Variants in NLGN1 observed in about 807,000 individuals in gnomAD.
NLGN1 encodes neuroligin 1.
In NLGN1, 12 loss-of-function variants were observed where a neutral mutation model predicts 65.5. That is an observed-to-expected ratio of 0.18 (90% CI 0.12 to 0.30). The LOEUF (loss-of-function observed/expected upper bound fraction) is 0.30, where lower values mean the gene tolerates loss of function less well. NLGN1 is among the 10% of genes least tolerant of loss of function. The pLI is 1.00. For missense variants in NLGN1, 750 were observed against 1,007.1 expected (o/e 0.74, Z 3.46); for synonymous variants, 350 against 359.5 (o/e 0.97, Z 0.30).
At chr3:174,272,670 GATA>G (rs1158273790) in intron 4 of NLGN1, among the ~76,000 whole-genome samples, 3 of 100,498 alleles carry the variant, frequency 3.0e-5, no homozygotes, top group Non-Finnish European at 7.5e-5. Flanking sequence ...TGGATGGATA[GATA>G]GATAGATAGA....
chr3:174,035,275 G>A (rs1322987010), intron 4 of NLGN1, among the ~76,000 whole-genome samples: 1 of 152,098 alleles, frequency 6.6e-6, no homozygotes, highest in Non-Finnish European at 1.5e-5. Context: ...ACAAAAATCA[G>A]CATTTGAAAG....
At chr3:174,242,140 ATGTGTT>A (rs1742993621) in intron 4 of NLGN1, among the ~76,000 whole-genome samples, 1 of 152,124 alleles carries the variant, frequency 6.6e-6, no homozygotes, top group Non-Finnish European at 1.5e-5. Flanking sequence ...TGTGATTTTA[ATGTGTT>A]GATAATAATA....
intron 4 of NLGN1, among the ~76,000 whole-genome samples, chr3:173,887,858 A>G (rs1164790548): frequency 1.3e-5 from 2 of 150,964 alleles, no homozygotes; most frequent in Admixed American, 6.6e-5. Context: ...TTTGACTACA[A>G]CAAAAATAAC....
At chr3:173,907,970 T>C (rs2152210558) in intron 4 of NLGN1, among the ~76,000 whole-genome samples, 1 of 152,328 alleles carries the variant, frequency 6.6e-6, no homozygotes, top group East Asian at 1.9e-4. Flanking sequence ...TCCACATGCC[T>C]CGGCCTCCCA....
At chr3:173,538,374 C>A (rs1043498005) in intron 2 of NLGN1, among the ~76,000 whole-genome samples, 1 of 152,188 alleles carries the variant, frequency 6.6e-6, no homozygotes, top group Admixed American at 6.6e-5. Context: ...CACTGCTGCA[C>A]TTCTTTTGCT....
At chr3:174,134,010 G>A (rs1358288607) in intron 4 of NLGN1, among the ~76,000 whole-genome samples, 1 of 151,804 alleles carries the variant, frequency 6.6e-6, no homozygotes, top group East Asian at 1.9e-4. Flanking sequence ...TAAAGCCACT[G>A]CTAATAAGAT....
At chr3:174,200,138 A>G (rs2152773471) in intron 4 of NLGN1, among the ~76,000 whole-genome samples, 1 of 152,320 alleles carries the variant, frequency 6.6e-6, no homozygotes, top group Non-Finnish European at 1.5e-5. Flanking sequence ...CCGTTTACTC[A>G]TTTTATCACT....
At chr3:173,753,138 C>T (rs1776546975) in intron 3 of NLGN1, among the ~76,000 whole-genome samples, 1 of 152,076 alleles carries the variant, frequency 6.6e-6, no homozygotes, top group South Asian at 2.1e-4. Flanking sequence ...TTTTATTTGT[C>T]TTTAAAACTA....
intron 4 of NLGN1, among the ~76,000 whole-genome samples, chr3:174,092,899 A>G (rs1330153122): frequency 1.3e-5 from 2 of 152,142 alleles, no homozygotes; most frequent in Non-Finnish European, 2.9e-5. Flanking sequence ...CCAATGTTTC[A>G]TTCATCAAGT....
intron 3 of NLGN1, among the ~76,000 whole-genome samples, chr3:173,799,668 G>A (rs1714968948): frequency 6.6e-6 from 1 of 151,910 alleles, no homozygotes. Flanking sequence ...GGATGCAAAT[G>A]TCTTAAATCC....
chr3:173,539,652 CATATGTGT>C (rs1288029619), intron 2 of NLGN1, among the ~76,000 whole-genome samples: 8 of 103,590 alleles, frequency 7.7e-5, no homozygotes, highest in African/African-American at 2.4e-4. Flanking sequence ...ACATATATAA[CATATGTGT>C]ATATATGCAC....
chr3:173,988,449 AT>A (rs996207096), intron 4 of NLGN1, among the ~76,000 whole-genome samples: 1 of 152,064 alleles, frequency 6.6e-6, no homozygotes. Flanking sequence ...TAATAATCTG[AT>A]TTTTTTAAGG....
intron 4 of NLGN1, among the ~76,000 whole-genome samples, chr3:174,120,440 G>A (rs981153083): frequency 2.6e-5 from 4 of 152,126 alleles, no homozygotes; most frequent in Non-Finnish European, 5.9e-5. Flanking sequence ...CCAGGAGGCA[G>A]AGGTTGCAGT....
At chr3:173,795,041 A>G (rs1299843530) in intron 3 of NLGN1, among the ~76,000 whole-genome samples, 1 of 152,006 alleles carries the variant, frequency 6.6e-6, no homozygotes, top group Admixed American at 6.6e-5. Context: ...TTTTGTGTTT[A>G]TGTGTCTTCT....
At chr3:173,944,459 G>A (rs945854974) in intron 4 of NLGN1, among the ~76,000 whole-genome samples, 4 of 152,090 alleles carry the variant, frequency 2.6e-5, no homozygotes, top group Admixed American at 1.3e-4. Flanking sequence ...ACTGGGAGGG[G>A]CAACCTTCTC....
intron 4 of NLGN1, among the ~76,000 whole-genome samples, chr3:173,994,832 T>C (rs1721933781): frequency 6.6e-6 from 1 of 152,134 alleles, no homozygotes; most frequent in Non-Finnish European, 1.5e-5. Context: ...TACTACAAAG[T>C]GTAAGGCAAG....
chr3:174,017,872 G>C (rs1726928270), intron 4 of NLGN1, among the ~76,000 whole-genome samples: 1 of 152,154 alleles, frequency 6.6e-6, no homozygotes, highest in Admixed American at 6.6e-5. Flanking sequence ...GGCACGTGTT[G>C]TCATTGATAA....
At chr3:174,053,207 TCTAAATATCC>T (rs1296662291) in intron 4 of NLGN1, among the ~76,000 whole-genome samples, 1 of 151,942 alleles carries the variant, frequency 6.6e-6, no homozygotes, top group African/African-American at 2.4e-5. Context: ...GGGGCCAATC[TCTAAATATCC>T]CTGAGCCTTA....
At chr3:174,289,793 CAG>C (rs1241321408), downstream of NLGN1, among the ~76,000 whole-genome samples, 3 of 150,290 alleles carry the variant, frequency 2.0e-5, no homozygotes, top group African/African-American at 7.3e-5. Flanking sequence ...TCTTTTTCCC[CAG>C]AGACATTGAC....
Sources: gnomAD v4.1 joint callset for allele counts (sites outside exome capture counted in the v4.1 genomes callset) on GRCh38, gnomAD v4.1.1 for gene constraint, MANE v1.5 for transcripts, NCBI Gene and HGNC (gene_info 2026-07-23, HGNC 2026-07-21) for gene names.